Variants in ITPR2 observed in about 807,000 individuals in gnomAD.
ITPR2 encodes the protein inositol 1,4,5-trisphosphate-gated calcium channel ITPR2.
In ITPR2, 207 loss-of-function variants were observed where a neutral mutation model predicts 317.1. The observed-to-expected ratio is 0.65, with a 90% CI of 0.58 to 0.73. The LOEUF (loss-of-function observed/expected upper bound fraction) is 0.73. ITPR2 is among the 30% of genes least tolerant of loss of function. The pLI, the probability that ITPR2 is intolerant of heterozygous loss-of-function variation, is 0.00. For missense variants in ITPR2, 2,613 were observed against 3,284.0 expected (o/e 0.80, Z 4.99); for synonymous variants, 1,156 against 1,149.1 (o/e 1.01, Z -0.12).
chr12:26,382,502 T>C (rs1939538382), intron 55 of ITPR2, among the ~76,000 whole-genome samples: 1 of 152,018 alleles, frequency 6.6e-6, no homozygotes, highest in South Asian at 2.1e-4. Context: ...CTGTCTCCAC[T>C]AAAAATACAA....
chr12:26,627,056 G>T (rs528188842), intron 23 of ITPR2, among the ~76,000 whole-genome samples: 7 of 152,166 alleles, frequency 4.6e-5, no homozygotes, highest in Admixed American at 4.6e-4. Context: ...ATGCTCCAGT[G>T]CTCAGAGATA....
chr12:26,494,030 ATT>A (rs11291225), intron 39 of ITPR2, 121 bp downstream of exon 39: 26,799 of 463,942 alleles, frequency 0.058, 75 homozygotes, highest in Non-Finnish European at 0.065. Flanking sequence ...TGATACATGG[ATT>A]TTTTTTTTTT....
At chr12:26,507,857 CTG>C (rs369130996) in intron 37 of ITPR2, among the ~76,000 whole-genome samples, 5,847 of 87,684 alleles carry the variant, frequency 0.067, 158 homozygotes, top group South Asian at 0.14. Flanking sequence ...TCTTCTCTCT[CTG>C]TCTCTGTGTG....
chr12:26,641,216 A>G (rs150469102), intron 21 of ITPR2, among the ~76,000 whole-genome samples: 52 of 152,096 alleles, frequency 3.4e-4, no homozygotes, highest in African/African-American at 1.1e-3. Flanking sequence ...ACAACCATTC[A>G]CAAAGGAGTG....
chr12:26,385,972 T>C (rs1939654152), intron 55 of ITPR2, among the ~76,000 whole-genome samples: 1 of 152,196 alleles, frequency 6.6e-6, no homozygotes, highest in South Asian at 2.1e-4. Context: ...AGGGGAAATA[T>C]ATCATACTCT....
intron 44 of ITPR2, among the ~76,000 whole-genome samples, chr12:26,475,622 G>A (rs1184684589): frequency 2.6e-5 from 4 of 152,058 alleles, no homozygotes. Flanking sequence ...GGAAATTTTT[G>A]TTTGATATTT....
At chr12:26,552,371 G>T (rs1425801543) in intron 36 of ITPR2, among the ~76,000 whole-genome samples, 1 of 151,964 alleles carries the variant, frequency 6.6e-6, no homozygotes, top group Non-Finnish European at 1.5e-5. Context: ...TTTACTTTTT[G>T]CAGAGATAGG....
At chr12:26,751,001 G>A (rs1419815308) in intron 2 of ITPR2, among the ~76,000 whole-genome samples, 1 of 152,104 alleles carries the variant, frequency 6.6e-6, no homozygotes, top group Non-Finnish European at 1.5e-5. Context: ...CAACGAAAAC[G>A]GCTGAGTCAC....
At chr12:26,541,581 T>C (rs994174188) in intron 37 of ITPR2, among the ~76,000 whole-genome samples, 3 of 152,240 alleles carry the variant, frequency 2.0e-5, no homozygotes, top group African/African-American at 7.2e-5. Flanking sequence ...CTATGTAGCA[T>C]TTCTATTTAA....
At chr12:26,480,328 T>C (rs1462307624) in intron 43 of ITPR2, among the ~76,000 whole-genome samples, 1 of 152,108 alleles carries the variant, frequency 6.6e-6, no homozygotes, top group Admixed American at 6.5e-5. Flanking sequence ...TAAAGAAACC[T>C]CTTAAAGACA....
Position 26,530,893 on chromosome 12 carries a change from A to C in ITPR2, c.5073+19354T>G, listed in dbSNP as rs551016114. On this transcript the variant is annotated intron_variant, in intron 37 of 56. Coordinates refer to ENST00000381340, the MANE Select transcript of ITPR2 (RefSeq NM_002223.4). ...ATAAAAATTACATTCAGCAAAGAAG[A>C]GGTGACAATAGATAAAAGCCCAAAA... Among the ~76,000 whole-genome samples, 75 of 152,358 alleles carry C rather than the reference A, an allele frequency of 4.9e-4. 1 individual carries two copies. Among genetic ancestry groups the C allele is most frequent in the African/African-American group, 1.6e-3 (68 of 41,592 alleles).
chr12:26,567,993 TATA>T (rs1269456915), intron 34 of ITPR2, among the ~76,000 whole-genome samples: 2 of 5,318 alleles, frequency 3.8e-4, no homozygotes, highest in South Asian at 9.6e-3. Flanking sequence ...TATATATATA[TATA>T]TTATATATAT....
chr12:26,432,744 T>C (rs574949448), intron 48 of ITPR2, among the ~76,000 whole-genome samples: 1 of 152,344 alleles, frequency 6.6e-6, no homozygotes, highest in African/African-American at 2.4e-5. Flanking sequence ...TTTTATTCTA[T>C]AGGAGATGAT....
In ITPR2 at chr12:26,560,247, C is replaced by T. The variant is rs536357415; in HGVS notation, c.4821+1515G>A. 9.2e-5 allele frequency among the ~76,000 whole-genome samples: 14 copies of T among 152,206 alleles called. No individual in the cohort carries two copies. The South Asian group carries it at 2.9e-3, about 32-fold the overall frequency. On this transcript the variant is annotated intron_variant, in intron 35 of 56. Transcript: ENST00000381340. The stretch of plus-strand genomic sequence containing the variant: ...CTTTCTGACCCACTTTTTTTTCTTG[C>T]ACTCTTTATGTGGCCATTCTGCTAC...
intron 55 of ITPR2, among the ~76,000 whole-genome samples, chr12:26,350,868 T>C (rs1446382796): frequency 6.6e-6 from 1 of 152,236 alleles, no homozygotes; most frequent in Non-Finnish European, 1.5e-5. Context: ...CAGCCAACCA[T>C]AAGCCTTAGC....
intron 2 of ITPR2, among the ~76,000 whole-genome samples, chr12:26,773,484 A>G (rs1239193276): frequency 6.6e-6 from 1 of 152,102 alleles, no homozygotes; most frequent in Non-Finnish European, 1.5e-5. Flanking sequence ...AGCTGTTCTT[A>G]CCCCACTATA....
Position 26,756,266 on chromosome 12 carries a change from C to T in ITPR2, c.164-30501G>A, listed in dbSNP as rs561871489. On this transcript the variant is annotated intron_variant, in intron 2 of 56. Coordinates refer to ENST00000381340, the MANE Select transcript of ITPR2 (RefSeq NM_002223.4). ...AGTTTGTTTCTGTAACTTAGGCTAA[C>T]GCTGCTTATTCCTGTGAACCAACCA... is the stretch of plus-strand genomic sequence containing the variant. 2.1e-4 allele frequency among the ~76,000 whole-genome samples: 32 copies of T among 152,214 alleles called. 1 individual carries two copies. The South Asian group carries it at 4.1e-3, about 20-fold the overall frequency.
At chr12:26,451,016 C>T (rs1240367116) in intron 45 of ITPR2, among the ~76,000 whole-genome samples, 1 of 151,910 alleles carries the variant, frequency 6.6e-6, no homozygotes, top group Non-Finnish European at 1.5e-5. Flanking sequence ...TCCAAGACAC[C>T]CTTGTTCCCT....
intron 2 of ITPR2, among the ~76,000 whole-genome samples, chr12:26,729,900 C>G (rs1269569763): frequency 6.6e-6 from 1 of 151,908 alleles, no homozygotes; most frequent in Non-Finnish European, 1.5e-5. Flanking sequence ...TACAACAAAC[C>G]CCCATGACAC....
Sources: gnomAD v4.1 joint callset for allele counts (sites outside exome capture counted in the v4.1 genomes callset) on GRCh38, gnomAD v4.1.1 for gene constraint, MANE v1.5 for transcripts, NCBI Gene and HGNC (gene_info 2026-07-23, HGNC 2026-07-21) for gene names.